GSPT1: variants seen among roughly 807,000 people sequenced by gnomAD.
GSPT1 encodes the protein G1 to S phase transition 1, also known as eukaryotic peptide chain release factor GTP-binding subunit ERF3A.
GSPT1 carries 20 observed loss-of-function variants against 72.5 expected under a neutral mutation model. The observed-to-expected ratio is 0.28, with a 90% CI of 0.19 to 0.40. The LOEUF is 0.40. Among genes scored for constraint, GSPT1 ranks in the 10% least tolerant of loss-of-function variants. The probability of loss-of-function intolerance (pLI) is 1.00; values close to 1 mark genes in which losing one functional copy is unlikely to be tolerated. For missense variants in GSPT1, 580 were observed against 811.9 expected, an observed-to-expected ratio of 0.71 and a Z score of 3.47; for synonymous variants, 334 against 293.5, an observed-to-expected ratio of 1.14 and a Z score of -1.41.
Position 11,908,784 on chromosome 16 carries a change from A to T in GSPT1, c.352+6585T>A, listed in dbSNP as rs1055582607. 6 of 37,360 alleles carry T rather than the reference A, an allele frequency of 1.6e-4. 1 individual carries two copies. The highest frequency in any genetic ancestry group is 1.3e-3 in the African/African-American group (6 of 4,750). The allele number at this position is 37,360 out of a possible 1,614,324, so 2.3% of individuals were successfully genotyped here. ...CAAAAAAAAAAAAAAAAAAAAAAAA[A>T]AAAAAAAATACAAAAATTAGCCAGG... On this transcript the variant is annotated intron_variant, in intron 1 of 14. Coordinates refer to ENST00000434724, the MANE Select transcript of GSPT1 (RefSeq NM_002094.4).
At chr16:11,897,135 G>C (rs2054350444) in intron 3 of GSPT1, among the ~76,000 whole-genome samples, 1 of 152,158 alleles carries the variant, frequency 6.6e-6, no homozygotes, top group Admixed American at 6.5e-5. Flanking sequence ...AAAAAGGAAA[G>C]TTTAAAATCG....
chr16:11,907,126 A>G (rs907345759), intron 1 of GSPT1, among the ~76,000 whole-genome samples: 1 of 152,232 alleles, frequency 6.6e-6, no homozygotes, highest in Non-Finnish European at 1.5e-5. Flanking sequence ...TAATTTCAAA[A>G]TATTGCTTTA....
intron 1 of GSPT1, 121 bp from the exon 2 acceptor site, chr16:11,898,156 A>G (rs933203146): frequency 1.5e-6 from 1 of 659,164 alleles, no homozygotes; most frequent in Non-Finnish European, 2.7e-6. Flanking sequence ...CAATAACCCC[A>G]GATCAATGGC....
At position 11,885,285 on chromosome 16, in the gene GSPT1, A is replaced by G. The variant is rs757417384; in HGVS notation, c.1254-11T>C. On this transcript the variant is annotated splice_polypyrimidine_tract_variant and intron_variant, in intron 9 of 14. Transcript: ENST00000434724. ...ATAAACGGTAATCCACTGAGAACAT[A>G]ACAACAAAGCCATTAAAGGAAGTCA... 2 of 1,340,706 alleles carry G rather than the reference A, an allele frequency of 1.5e-6. No homozygotes were observed. Among genetic ancestry groups the G allele is most frequent in the African/African-American group, 2.9e-5 (2 of 69,840 alleles). The allele number at this position is 1,340,706 out of a possible 1,614,324, so 83.1% of individuals were successfully genotyped here. A position where few individuals can be genotyped will look rare whatever the true frequency, so the allele number is the denominator to read the frequency against.
At chr16:11,895,149 G>A in intron 4 of GSPT1, 162 bp from the exon 5 acceptor site, 1 of 555,244 alleles carries the variant, frequency 1.8e-6, no homozygotes, top group South Asian at 2.0e-5. Flanking sequence ...TGAGCCTCAA[G>A]GCTGGGCTCG....
rs965089031 is a variant in GSPT1, at chr16:11,872,552, G to C, written c.*567C>G. Reference sequence around the variant, plus strand: ...GAATGTCTCATTTATAGTGGGTAGGGAAAGAGTTTATAAAAGTCCAAGTAA... The same window carrying C: ...GAATGTCTCATTTATAGTGGGTAGGCAAAGAGTTTATAAAAGTCCAAGTAA... On this transcript the variant is annotated 3_prime_UTR_variant, in exon 15 of 15. Coordinates refer to ENST00000434724, the MANE Select transcript of GSPT1 (RefSeq NM_002094.4). 3.3e-5 allele frequency: 5 copies of C among 152,156 alleles called. No individual in the cohort carries two copies. The highest frequency in any genetic ancestry group is 1.2e-4 in the African/African-American group (5 of 41,422). 9.4% of individuals were successfully genotyped at this position (152,156 alleles called of 1,614,324 possible). A position where few individuals can be genotyped will look rare whatever the true frequency, so the allele number is the denominator to read the frequency against.
chr16:11,889,269 C>G (rs1184179477), intron 6 of GSPT1, among the ~76,000 whole-genome samples: 1 of 149,964 alleles, frequency 6.7e-6, no homozygotes, highest in African/African-American at 2.5e-5. Context: ...GATGGAGCCA[C>G]TACACTCCAG....
At position 11,871,138 on chromosome 16, in the gene GSPT1, T is replaced by G. The variant is rs2053973538; in HGVS notation, c.*1981A>C. 1 of 152,168 alleles carries G rather than the reference T, an allele frequency of 6.6e-6. No individual in the cohort carries two copies. The highest frequency in any genetic ancestry group is 2.4e-5 in the African/African-American group (1 of 41,438). The allele number at this position is 152,168 out of a possible 1,614,324, so 9.4% of individuals were successfully genotyped here. ...TTCCAGAAAAATAAAAGCCCAGAGA[T>G]TTGCAGACATAATAAAATCTATTTA... On this transcript the variant is annotated 3_prime_UTR_variant, in exon 15 of 15. Transcript: ENST00000434724.
At chr16:11,909,186 C>A (rs1380138730) in intron 1 of GSPT1, among the ~76,000 whole-genome samples, 1 of 151,040 alleles carries the variant, frequency 6.6e-6, no homozygotes. Context: ...CTCGGGAAAG[C>A]CTTATTAAGT....
At chr16:11,903,189 G>C (rs1301217240) in intron 1 of GSPT1, among the ~76,000 whole-genome samples, 3 of 152,056 alleles carry the variant, frequency 2.0e-5, no homozygotes, top group African/African-American at 7.2e-5. Flanking sequence ...TGTTTGTGTT[G>C]CTTCACCATA....
At position 11,869,863 on chromosome 16, in the gene GSPT1, T is replaced by C. The variant is rs1399231192; in HGVS notation, c.*3256A>G. On this transcript the variant is annotated 3_prime_UTR_variant, in exon 15 of 15. Coordinates refer to ENST00000434724, the MANE Select transcript of GSPT1 (RefSeq NM_002094.4). The stretch of plus-strand genomic sequence containing the variant: ...CTTGGGAGCAGTTTTTGATCATAGG[T>C]TCAACTTTTTTCTTGGGTTGCAAAA... 2.6e-5 allele frequency: 4 copies of C among 152,142 alleles called. No homozygotes were observed. The highest frequency in any genetic ancestry group is 5.9e-5 in the Non-Finnish European group (4 of 68,030). 9.4% of individuals were successfully genotyped at this position (152,142 alleles called of 1,614,324 possible).
rs1429116014 is a variant in GSPT1, at chr16:11,915,853, C to T, written c.-133G>A. On this transcript the variant is annotated 5_prime_UTR_variant, in exon 1 of 15. Coordinates refer to ENST00000434724, the MANE Select transcript of GSPT1 (RefSeq NM_002094.4). Reference sequence around the variant, plus strand: ...AGGGCCGGGAGCTAGCGACAAAGATCCCCGGCGTCGCCGCGGCAGCAGCTC... The same window carrying T: ...AGGGCCGGGAGCTAGCGACAAAGATTCCCGGCGTCGCCGCGGCAGCAGCTC... 6.4e-6 allele frequency: 9 copies of T among 1,395,928 alleles called. No individual in the cohort carries two copies. The highest frequency in any genetic ancestry group is 2.3e-5 in the South Asian group (2 of 86,986). 86.5% of individuals were successfully genotyped at this position (1,395,928 alleles called of 1,614,324 possible).
In GSPT1 at chr16:11,896,539, T is replaced by G; in HGVS notation, c.664+19A>C. ...GTTTTATGTATCCAGTAACTTTAATTGCTATGAGAGCAGCTTACCTACGTG... is the reference window on the plus strand; with the variant it reads ...GTTTTATGTATCCAGTAACTTTAATGGCTATGAGAGCAGCTTACCTACGTG... On this transcript the variant is annotated intron_variant, in intron 4 of 14. Transcript: ENST00000434724. 7.2e-7 allele frequency: 1 copy of G among 1,382,798 alleles called. No homozygotes were observed. Among genetic ancestry groups the G allele is most frequent in the Non-Finnish European group, 1.0e-6 (1 of 985,570 alleles). The allele number at this position is 1,382,798 out of a possible 1,614,324, so 85.7% of individuals were successfully genotyped here. A position where few individuals can be genotyped will look rare whatever the true frequency, so the allele number is the denominator to read the frequency against.
Position 11,887,251 on chromosome 16 carries a change from A to G in GSPT1, c.957+319T>C, listed in dbSNP as rs145336951. Among the ~76,000 whole-genome samples, 1,085 of 152,306 alleles carry G rather than the reference A, an allele frequency of 7.1e-3. 16 individuals carry two copies. Among genetic ancestry groups the G allele is most frequent in the African/African-American group, 0.024 (1,004 of 41,570 alleles). Reference sequence around the variant, plus strand: ...CATTGTGAAAAGCGCAAAATGACTGAAGACCGTATGAAACAGATGGTTTCC... The same window carrying G: ...CATTGTGAAAAGCGCAAAATGACTGGAGACCGTATGAAACAGATGGTTTCC... On this transcript the variant is annotated intron_variant, in intron 7 of 14. Transcript: ENST00000434724.
At position 11,870,811 on chromosome 16, in the gene GSPT1, A is replaced by G. The variant is rs942999870; in HGVS notation, c.*2308T>C. The G allele has an allele frequency of 6.6e-6, 1 of 152,206 alleles. No homozygotes were observed. 9.4% of individuals were successfully genotyped at this position (152,206 alleles called of 1,614,324 possible). On this transcript the variant is annotated 3_prime_UTR_variant, in exon 15 of 15. Transcript: ENST00000434724. ...AATCCAGTGGAATTTTTACAGTTACATTTGTATTTGTATGACCTGTTACTT... is the reference window on the plus strand; with the variant it reads ...AATCCAGTGGAATTTTTACAGTTACGTTTGTATTTGTATGACCTGTTACTT...
chr16:11,873,790 T>C (rs2054005610), intron 14 of GSPT1, among the ~76,000 whole-genome samples: 2 of 152,160 alleles, frequency 1.3e-5, no homozygotes, highest in African/African-American at 2.4e-5. Context: ...GGTTTCACCA[T>C]GTTGGCCAGG....
At chr16:11,881,084 G>A (rs1035672156) in intron 11 of GSPT1, 5 of 152,238 alleles carry the variant, frequency 3.3e-5, no homozygotes, top group African/African-American at 1.2e-4. Flanking sequence ...ATTTTTAGTA[G>A]AGACGGGGTT....
intron 1 of GSPT1, among the ~76,000 whole-genome samples, chr16:11,905,625 A>T (rs1596474485): frequency 6.6e-6 from 1 of 152,308 alleles, no homozygotes; most frequent in East Asian, 1.9e-4. Context: ...ACTTGAGGTC[A>T]GGAATTTGAG....
intron 1 of GSPT1, among the ~76,000 whole-genome samples, chr16:11,899,223 C>T (rs1165338646): frequency 6.6e-6 from 1 of 152,074 alleles, no homozygotes; most frequent in Non-Finnish European, 1.5e-5. Flanking sequence ...AGGATCAATA[C>T]CTGTAAGAGT....
Sources: allele counts gnomAD v4.1 joint callset (sites outside exome capture counted in the v4.1 genomes callset), GRCh38; gene constraint gnomAD v4.1.1; transcripts MANE v1.5; gene names NCBI Gene and HGNC (gene_info 2026-07-23, HGNC 2026-07-21).